Variants in LIN54 observed in about 807,000 individuals in gnomAD.
LIN54 encodes protein lin-54 homolog.
In LIN54, 9 loss-of-function variants were observed where a neutral mutation model predicts 78.7. The ratio of observed to expected loss-of-function variants is 0.11; its 90% confidence interval spans 0.07 to 0.20. The LOEUF (loss-of-function observed/expected upper bound fraction) is 0.20. Among genes scored for constraint, LIN54 ranks in the 10% least tolerant of loss-of-function variants. LIN54 has a pLI of 1.00. For synonymous variants in LIN54, 269 were observed against 318.4 expected (o/e 0.84, Z 1.65); for missense variants, 573 against 889.9 (o/e 0.64, Z 4.53).
At chr4:82,943,803 G>GT (rs890149723) in intron 5 of LIN54, among the ~76,000 whole-genome samples, 3 of 150,974 alleles carry the variant, frequency 2.0e-5, no homozygotes, top group African/African-American at 7.3e-5. Context: ...AAAAAGAGAA[G>GT]TAGAGACAGG....
chr4:82,988,969 A>C (rs2126092510), intron 1 of LIN54, among the ~76,000 whole-genome samples: 2 of 152,210 alleles, frequency 1.3e-5, no homozygotes, highest in Middle Eastern at 6.8e-3. Context: ...CAGGCAGACC[A>C]CAAGGTCAGG....
At chr4:83,011,542 C>G (rs768862830), upstream of LIN54, among the ~76,000 whole-genome samples, 21 of 151,730 alleles carry the variant, frequency 1.4e-4, no homozygotes, top group Non-Finnish European at 2.4e-4. Context: ...AAATATAACT[C>G]TTAGCTAAAA....
intron 4 of LIN54, among the ~76,000 whole-genome samples, chr4:82,947,289 G>A (rs1400250940): frequency 2.2e-5 from 3 of 134,524 alleles, no homozygotes; most frequent in Non-Finnish European, 4.6e-5. Context: ...CTGGAGTGCA[G>A]TAGTGCAATA....
At chr4:82,944,207 C>G (rs907477475) in intron 5 of LIN54, among the ~76,000 whole-genome samples, 1 of 152,130 alleles carries the variant, frequency 6.6e-6, no homozygotes, top group Non-Finnish European at 1.5e-5. Flanking sequence ...CATTCCTCCA[C>G]TCTCCCTGGA....
intron 12 of LIN54, among the ~76,000 whole-genome samples, chr4:82,928,724 G>C (rs770354530): frequency 5.3e-5 from 8 of 152,182 alleles, no homozygotes; most frequent in Non-Finnish European, 1.2e-4. Flanking sequence ...AATAGTTGCT[G>C]AATGAATGAA....
intron 4 of LIN54, among the ~76,000 whole-genome samples, chr4:82,959,510 C>A (rs1415805317): frequency 6.6e-6 from 1 of 151,514 alleles, no homozygotes; most frequent in Non-Finnish European, 1.5e-5. Flanking sequence ...AAAACAAAAA[C>A]AAAAACAAAA....
intron 3 of LIN54, 150 bp from the exon 4 acceptor site, chr4:82,970,619 C>A (rs1725566375): frequency 1.5e-6 from 1 of 685,136 alleles, no homozygotes; most frequent in South Asian, 2.2e-5. Flanking sequence ...CTATGGTAAA[C>A]CTAGGCAGAA....
intron 4 of LIN54, among the ~76,000 whole-genome samples, chr4:82,953,838 C>G (rs901885403): frequency 6.6e-6 from 1 of 151,750 alleles, no homozygotes; most frequent in Admixed American, 6.6e-5. Flanking sequence ...CAGTCCTAGC[C>G]CTGAGGTGGG....
chr4:82,948,693 C>G (rs1723604445), intron 4 of LIN54, among the ~76,000 whole-genome samples: 1 of 152,096 alleles, frequency 6.6e-6, no homozygotes, highest in South Asian at 2.1e-4. Context: ...TCACCTAGTT[C>G]CTCTGCTACC....
At chr4:83,012,187 G>A, upstream of LIN54, 1 of 293,922 alleles carries the variant, frequency 3.4e-6, no homozygotes, top group Non-Finnish European at 5.0e-6. Flanking sequence ...TGACGGCCCC[G>A]TCCATCCGCA....
At chr4:82,967,216 C>T (rs1439233905) in intron 4 of LIN54, among the ~76,000 whole-genome samples, 8 of 147,620 alleles carry the variant, frequency 5.4e-5, no homozygotes, top group African/African-American at 2.0e-4. Context: ...CAGAGCAAGA[C>T]TCCATCTCAA....
intron 4 of LIN54, among the ~76,000 whole-genome samples, chr4:82,967,747 C>T (rs558070543): frequency 3.9e-5 from 6 of 152,314 alleles, no homozygotes; most frequent in South Asian, 2.1e-4. Context: ...ATTAAGTCCA[C>T]ATTTGGACAC....
intron 1 of LIN54, among the ~76,000 whole-genome samples, chr4:82,996,598 G>A (rs1203481045): frequency 6.6e-6 from 1 of 151,854 alleles, no homozygotes; most frequent in African/African-American, 2.4e-5. Flanking sequence ...TAGAGATGGG[G>A]TTTCACCATG....
chr4:83,000,827 C>CTTTTTTTCTTTTTTTT (rs528409899), intron 1 of LIN54, among the ~76,000 whole-genome samples: 2,592 of 120,452 alleles, frequency 0.022, 249 homozygotes, highest in African/African-American at 0.071. Context: ...GCAATAAATT[C>CTTTTTTTCTTTTTTTT]TTTTTTTTTT....
intron 1 of LIN54, among the ~76,000 whole-genome samples, chr4:83,005,680 G>A (rs1261903690): frequency 1.3e-5 from 2 of 151,576 alleles, no homozygotes; most frequent in East Asian, 1.9e-4. Context: ...GTGGGAACAC[G>A]TATACACTGT....
At chr4:82,937,405 T>C (rs1578493103) in intron 8 of LIN54, 107 bp from the exon 9 acceptor site, 11 of 636,022 alleles carry the variant, frequency 1.7e-5, no homozygotes, top group Admixed American at 1.4e-4. Context: ...CTAAAACTAA[T>C]TTAAAATTAG....
At chr4:82,997,054 CAA>C (rs1291005638) in intron 1 of LIN54, among the ~76,000 whole-genome samples, 5 of 152,020 alleles carry the variant, frequency 3.3e-5, no homozygotes, top group African/African-American at 1.2e-4. Context: ...CAAAGCCACA[CAA>C]AGACAGGAAC....
chr4:82,988,555 A>G (rs1488317661), intron 1 of LIN54, among the ~76,000 whole-genome samples: 2 of 152,236 alleles, frequency 1.3e-5, no homozygotes, highest in African/African-American at 4.8e-5. Flanking sequence ...AATATCTAGA[A>G]GATCTGGCAA....
At chr4:82,973,557 T>C (rs1267266324) in intron 3 of LIN54, among the ~76,000 whole-genome samples, 16 of 152,216 alleles carry the variant, frequency 1.1e-4, no homozygotes, top group Admixed American at 1.0e-3. Context: ...TAAAGCCACA[T>C]ATTGAATAGG....
Sources: gnomAD v4.1 joint callset for allele counts (sites outside exome capture counted in the v4.1 genomes callset) on GRCh38, gnomAD v4.1.1 for gene constraint, MANE v1.5 for transcripts, NCBI Gene and HGNC (gene_info 2026-07-23, HGNC 2026-07-21) for gene names.